The following SEMA6D variants were observed in gnomAD, a reference collection of about 807,000 sequenced individuals.
The protein encoded by SEMA6D is semaphorin 6D, also known as semaphorin-6D.
A neutral mutation model predicts 106.6 loss-of-function variants in SEMA6D; 35 were observed. The ratio of observed to expected loss-of-function variants is 0.33; its 90% CI spans 0.25 to 0.44. SEMA6D has a LOEUF of 0.44. SEMA6D is among the 20% of genes least tolerant of loss of function. The pLI, the probability that SEMA6D is intolerant of heterozygous loss-of-function variation, is 1.00. For missense variants in SEMA6D, 1,185 were observed against 1,345.9 expected (o/e 0.88, Z 1.87); for synonymous variants, 499 against 487.7 (o/e 1.02, Z -0.31).
chr15:47,286,814 T>G (rs2035384076), intron 1 of SEMA6D, among the ~76,000 whole-genome samples: 1 of 152,142 alleles, frequency 6.6e-6, no homozygotes, highest in African/African-American at 2.4e-5. Flanking sequence ...TTTTGTCATC[T>G]AAACCCCCTC....
intron 1 of SEMA6D, among the ~76,000 whole-genome samples, chr15:47,307,034 A>T (rs11070579): frequency 0.43 from 66,054 of 152,110 alleles, 16,676 homozygotes; most frequent in Non-Finnish European, 0.56. Flanking sequence ...CTGTGTTTGA[A>T]TCCTGGTTTC....
chr15:47,438,965 A>G (rs900528890), intron 2 of SEMA6D, among the ~76,000 whole-genome samples: 3 of 152,004 alleles, frequency 2.0e-5, no homozygotes, highest in African/African-American at 7.2e-5. Context: ...TGCAGCTGGT[A>G]AACAGTTGGT....
chr15:47,471,979 AAGAG>A (rs938657172), intron 3 of SEMA6D, among the ~76,000 whole-genome samples: 2 of 149,814 alleles, frequency 1.3e-5, no homozygotes, highest in African/African-American at 2.5e-5. Context: ...ACACACGAAA[AAGAG>A]AAAGAGAGAG....
At chr15:47,589,517 G>C (rs889341328) in intron 3 of SEMA6D, among the ~76,000 whole-genome samples, 1 of 152,304 alleles carries the variant, frequency 6.6e-6, no homozygotes, top group Non-Finnish European at 1.5e-5. Context: ...TGGGCTCCTT[G>C]GCCATGTTTC....
intron 3 of SEMA6D, among the ~76,000 whole-genome samples, chr15:47,517,930 C>A (rs57954675): frequency 6.6e-6 from 1 of 152,050 alleles, no homozygotes; most frequent in Non-Finnish European, 1.5e-5. Flanking sequence ...TTTGGCCCAC[C>A]CTGACCCACT....
intron 3 of SEMA6D, among the ~76,000 whole-genome samples, chr15:47,513,958 G>T (rs554635882): frequency 6.6e-6 from 1 of 152,170 alleles, no homozygotes; most frequent in African/African-American, 2.4e-5. Context: ...TTGACCATTC[G>T]CAGGATAATC....
chr15:47,271,755 A>C (rs1325726974), intron 1 of SEMA6D, among the ~76,000 whole-genome samples: 1 of 152,182 alleles, frequency 6.6e-6, no homozygotes, highest in African/African-American at 2.4e-5. Context: ...TTAATATAAA[A>C]GGTTGTATTA....
intron 2 of SEMA6D, among the ~76,000 whole-genome samples, chr15:47,421,003 T>TAG (rs1595953250): frequency 6.6e-6 from 1 of 152,156 alleles, no homozygotes; most frequent in East Asian, 1.9e-4. Context: ...TCTTACAATG[T>TAG]AGAGATATTG....
chr15:47,706,917 G>A lies in SEMA6D; in HGVS notation c.-54-52828G>A, dbSNP rs142301900. 2.4e-4 allele frequency among the ~76,000 whole-genome samples: 36 copies of A among 152,300 alleles called. 1 individual carries two copies. The East Asian group carries it at 5.6e-3, about 24-fold the overall frequency. ...AGCACCCTGACCATTAACTAATACC[G>A]TGATGCTCACGATATCCATACTCAC... On this transcript the variant is annotated intron_variant, in intron 4 of 19. Transcript: ENST00000558014.
chr15:47,463,899 A>G (rs1464212107), intron 2 of SEMA6D, among the ~76,000 whole-genome samples: 3 of 152,108 alleles, frequency 2.0e-5, no homozygotes, highest in East Asian at 1.9e-4. Context: ...CGTTACTCCA[A>G]TCTTCACCTC....
chr15:47,694,975 C>A (rs1246681475), intron 4 of SEMA6D, among the ~76,000 whole-genome samples: 3 of 152,084 alleles, frequency 2.0e-5, no homozygotes, highest in Admixed American at 6.5e-5. Context: ...CAGGGCATTG[C>A]GTTAGGCAAA....
chr15:47,645,351 A>G (rs1005244364), intron 4 of SEMA6D, among the ~76,000 whole-genome samples: 73 of 151,960 alleles, frequency 4.8e-4, no homozygotes, highest in African/African-American at 1.7e-3. Flanking sequence ...ACCTTCCACA[A>G]TTTCTCCTTG....
chr15:47,591,318 G>A (rs2076434438), intron 3 of SEMA6D, among the ~76,000 whole-genome samples: 1 of 152,184 alleles, frequency 6.6e-6, no homozygotes, highest in South Asian at 2.1e-4. Context: ...TGGGGATTCA[G>A]TTCCAACATT....
At chr15:47,268,089 G>T (rs1042539291) in intron 1 of SEMA6D, among the ~76,000 whole-genome samples, 1 of 152,034 alleles carries the variant, frequency 6.6e-6, no homozygotes, top group Non-Finnish European at 1.5e-5. Context: ...AAACAGAAAC[G>T]GCAGTTTAAC....
chr15:47,389,666 T>G (rs1173050101), intron 1 of SEMA6D, among the ~76,000 whole-genome samples: 2 of 152,152 alleles, frequency 1.3e-5, no homozygotes, highest in Non-Finnish European at 2.9e-5. Context: ...ACCATTTAAG[T>G]CATTATTGTA....
At chr15:47,461,653 A>T (rs564678544) in intron 2 of SEMA6D, among the ~76,000 whole-genome samples, 2 of 152,204 alleles carry the variant, frequency 1.3e-5, no homozygotes, top group East Asian at 3.9e-4. Flanking sequence ...GAAAAGCTTC[A>T]TCTTGGAAAT....
At chr15:47,758,762 A>G (rs1053511832) in intron 1 of SEMA6D, among the ~76,000 whole-genome samples, 1 of 152,204 alleles carries the variant, frequency 6.6e-6, no homozygotes, top group African/African-American at 2.4e-5. Flanking sequence ...TTGAAGGACA[A>G]AAATCCAGTC....
chr15:47,614,194 A>G (rs1055030136), intron 4 of SEMA6D, among the ~76,000 whole-genome samples: 1 of 152,186 alleles, frequency 6.6e-6, no homozygotes, highest in African/African-American at 2.4e-5. Context: ...ACACACACAC[A>G]AACAACCTGC....
chr15:47,217,829 C>G (rs911164922), intron 1 of SEMA6D, among the ~76,000 whole-genome samples: 11 of 149,470 alleles, frequency 7.4e-5, no homozygotes, highest in African/African-American at 2.2e-4. Context: ...CACACAAATA[C>G]ATGCATATAC....
Sources: allele counts gnomAD v4.1 joint callset (sites outside exome capture counted in the v4.1 genomes callset), GRCh38; gene constraint gnomAD v4.1.1; transcripts MANE v1.5; gene names NCBI Gene and HGNC (gene_info 2026-07-23, HGNC 2026-07-21).